RYK: variants seen among roughly 807,000 people sequenced by gnomAD.
The protein encoded by RYK is inactive tyrosine-protein kinase RYK.
RYK carries 21 observed loss-of-function variants against 70.2 expected under a neutral mutation model. The ratio of observed to expected loss-of-function variants is 0.30; its 90% confidence interval spans 0.21 to 0.43. The LOEUF is 0.43. Among genes scored for constraint, RYK ranks in the 20% least tolerant of loss-of-function variants. RYK has a pLI of 1.00. For missense variants in RYK, 604 were observed against 753.3 expected, an observed-to-expected ratio of 0.80 and a Z score of 2.32; for synonymous variants, 267 against 278.0, an observed-to-expected ratio of 0.96 and a Z score of 0.39.
Position 134,222,554 on chromosome 3 carries a change from G to A in RYK, c.233-15C>T, listed in dbSNP as rs1560022748. The A allele has an allele frequency of 6.4e-7, 1 of 1,553,858 alleles. No homozygotes were observed. Reference sequence around the variant, plus strand: ...TGCATCAAGACCTAGAAAAAAATAGGAAAAAAATAATTAAACACTTAAAAT... The same window carrying A: ...TGCATCAAGACCTAGAAAAAAATAGAAAAAAAATAATTAAACACTTAAAAT... On this transcript the variant is annotated splice_polypyrimidine_tract_variant and intron_variant, in intron 1 of 14. Coordinates refer to ENST00000623711, the MANE Select transcript of RYK (RefSeq NM_002958.4).
chr3:134,171,526 C>T (rs955280525), intron 13 of RYK, among the ~76,000 whole-genome samples: 8 of 152,124 alleles, frequency 5.3e-5, no homozygotes, highest in Admixed American at 2.0e-4. Flanking sequence ...TTCCTATCAT[C>T]GCTTAATTAT....
intron 2 of RYK, among the ~76,000 whole-genome samples, chr3:134,213,444 C>T (rs1195157288): frequency 6.6e-6 from 1 of 152,220 alleles, no homozygotes; most frequent in Non-Finnish European, 1.5e-5. Flanking sequence ...AGAACAGCTA[C>T]CTTATTGCCA....
intron 9 of RYK, among the ~76,000 whole-genome samples, chr3:134,185,691 G>A (rs1464953723): frequency 1.3e-5 from 2 of 152,152 alleles, no homozygotes; most frequent in African/African-American, 4.8e-5. Context: ...CTGGAGGCTA[G>A]TAGGATCTTT....
At chr3:134,164,937 T>A (rs996314178) in intron 13 of RYK, among the ~76,000 whole-genome samples, 5 of 152,220 alleles carry the variant, frequency 3.3e-5, no homozygotes, top group African/African-American at 1.2e-4. Flanking sequence ...ACCAACAGTA[T>A]CTCATTGTGG....
At chr3:134,164,127 T>A (rs1049521254) in intron 13 of RYK, among the ~76,000 whole-genome samples, 1 of 152,208 alleles carries the variant, frequency 6.6e-6, no homozygotes, top group Admixed American at 6.5e-5. Flanking sequence ...TGAGCCACCA[T>A]GACAGGCCTG....
intron 6 of RYK, among the ~76,000 whole-genome samples, chr3:134,199,265 T>C (rs1049318179): frequency 6.6e-6 from 1 of 152,252 alleles, no homozygotes; most frequent in African/African-American, 2.4e-5. Flanking sequence ...CCTAAGTGCC[T>C]GGAATGGAAG....
intron 1 of RYK, among the ~76,000 whole-genome samples, chr3:134,229,294 T>TTCTCTC (rs34305748): frequency 2.1e-5 from 3 of 143,844 alleles, no homozygotes; most frequent in African/African-American, 5.1e-5. Flanking sequence ...CTCTACTGCC[T>TTCTCTC]TCTCTCTCTC....
chr3:134,249,501 A>G (rs917704653), intron 1 of RYK, among the ~76,000 whole-genome samples: 1 of 152,244 alleles, frequency 6.6e-6, no homozygotes, highest in African/African-American at 2.4e-5. Flanking sequence ...GCAAACGTCT[A>G]GGTACCAAGG....
intron 6 of RYK, among the ~76,000 whole-genome samples, chr3:134,201,251 A>T (rs917702846): frequency 1.3e-5 from 2 of 152,226 alleles, no homozygotes; most frequent in African/African-American, 4.8e-5. Flanking sequence ...TCTCATTCGT[A>T]TCCCTTTTCT....
At chr3:134,229,178 C>G (rs2014987745) in intron 1 of RYK, among the ~76,000 whole-genome samples, 1 of 151,940 alleles carries the variant, frequency 6.6e-6, no homozygotes, top group South Asian at 2.1e-4. Flanking sequence ...ATAGAAGAGG[C>G]CCTGTCTGCC....
At chr3:134,196,043 G>A (rs2013801007) in intron 6 of RYK, among the ~76,000 whole-genome samples, 2 of 151,982 alleles carry the variant, frequency 1.3e-5, no homozygotes, top group South Asian at 4.2e-4. Flanking sequence ...TCCAACTTCT[G>A]GGAAATCTCT....
At chr3:134,182,922 T>A in intron 10 of RYK, 80 bp downstream of exon 10, 2 of 830,468 alleles carry the variant, frequency 2.4e-6, no homozygotes, top group Non-Finnish European at 3.6e-6. Flanking sequence ...TCAGAAGTCA[T>A]CACAATGTTC....
At chr3:134,195,663 T>C (rs745666260) in intron 6 of RYK, among the ~76,000 whole-genome samples, 1 of 152,154 alleles carries the variant, frequency 6.6e-6, no homozygotes, top group Non-Finnish European at 1.5e-5. Context: ...GAAAGGAGTA[T>C]TGGCCAGGTG....
rs2012313853 is a variant in RYK, at chr3:134,158,093, C to T, written c.*60G>A. 5.6e-6 allele frequency: 5 copies of T among 886,930 alleles called. No homozygotes were observed. The South Asian group carries it at 1.4e-4, about 25-fold the overall frequency. The allele number at this position is 886,930 out of a possible 1,614,324, so 54.9% of individuals were successfully genotyped here. On this transcript the variant is annotated 3_prime_UTR_variant, in exon 15 of 15. Coordinates refer to ENST00000623711, the MANE Select transcript of RYK (RefSeq NM_002958.4). ...TGTGTTAGATACAAAGCATCCCTGA[C>T]AGGCTTCAAGTGAGCCCCGACAGGC...
chr3:134,168,676 G>A (rs2012782956), intron 13 of RYK, among the ~76,000 whole-genome samples: 1 of 151,768 alleles, frequency 6.6e-6, no homozygotes, highest in Admixed American at 6.6e-5. Flanking sequence ...TGTGAATGAT[G>A]AGTTAATGGG....
rs2014134786 is a variant in RYK, at chr3:134,204,380, T to G, written c.644-1506A>C. Among the ~76,000 whole-genome samples the G allele has an allele frequency of 2.6e-5, 4 of 151,844 alleles. No homozygotes were observed. In the South Asian group the frequency reaches 6.3e-4, roughly 24 times the overall value. ...CGTGTATGGTGGTGCGCACCTGTAGTCCCAGCTACTCGAGAGGCTGAGGCA... is the reference window on the plus strand; with the variant it reads ...CGTGTATGGTGGTGCGCACCTGTAGGCCCAGCTACTCGAGAGGCTGAGGCA... On this transcript the variant is annotated intron_variant, in intron 5 of 14. Coordinates refer to ENST00000623711, the MANE Select transcript of RYK (RefSeq NM_002958.4).
chr3:134,221,307 T>G (rs1247586842), intron 2 of RYK, among the ~76,000 whole-genome samples: 5 of 144,556 alleles, frequency 3.5e-5, no homozygotes, highest in Non-Finnish European at 7.5e-5. Context: ...CGGGTTCAAG[T>G]GATTCTCCTG....
At chr3:134,240,551 G>A (rs978303975) in intron 1 of RYK, among the ~76,000 whole-genome samples, 5 of 152,060 alleles carry the variant, frequency 3.3e-5, no homozygotes, top group African/African-American at 4.8e-5. Flanking sequence ...TGCATTTGTC[G>A]AAACCTACAT....
chr3:134,212,501 G>T (rs1490828853), intron 2 of RYK, among the ~76,000 whole-genome samples: 2 of 152,184 alleles, frequency 1.3e-5, no homozygotes, highest in African/African-American at 4.8e-5. Context: ...ATCATTGGTG[G>T]CAGACTGAGA....
Sources: gnomAD v4.1 joint callset for allele counts (sites outside exome capture counted in the v4.1 genomes callset) on GRCh38, gnomAD v4.1.1 for gene constraint, MANE v1.5 for transcripts, NCBI Gene and HGNC (gene_info 2026-07-23, HGNC 2026-07-21) for gene names.